The following BRAP variants were observed in gnomAD, a reference collection of about 807,000 sequenced individuals.
BRAP encodes BRCA1-associated protein.
A neutral mutation model predicts 73.4 loss-of-function variants in BRAP; 42 were observed. The observed-to-expected ratio is 0.57, with a 90% confidence interval of 0.45 to 0.74. BRAP has a LOEUF of 0.74. Ranked by LOEUF, BRAP falls within the 30% of genes least tolerant of loss-of-function variation. BRAP has a pLI of 0.00. For missense variants in BRAP, 593 were observed against 751.4 expected, an observed-to-expected ratio of 0.79 and a Z score of 2.46; for synonymous variants, 255 against 267.4, an observed-to-expected ratio of 0.95 and a Z score of 0.45.
At chr12:111,678,686 ATT>A (rs748418829) in intron 4 of BRAP, among the ~76,000 whole-genome samples, 11 of 125,950 alleles carry the variant, frequency 8.7e-5, no homozygotes, top group Non-Finnish European at 9.9e-5. Context: ...AACACACTAG[ATT>A]TTTTTTTTTT....
rs1348544039 is a variant in BRAP at position 111,662,600 on chromosome 12, C to T, written c.897-1925G>A. On this transcript the variant is annotated intron_variant, in intron 6 of 11. Coordinates refer to ENST00000419234, the MANE Select transcript of BRAP (RefSeq NM_006768.5). The stretch of plus-strand genomic sequence containing the variant: ...AGTTACCCAACTAAGTAAATAAAAC[C>T]AAGAAAATGGAATAAACAGGAAGAA... Among the ~76,000 whole-genome samples the T allele has an allele frequency of 2.6e-5, 4 of 151,500 alleles. No homozygotes were observed. The South Asian group carries it at 8.3e-4, about 32-fold the overall frequency.
Position 111,665,603 on chromosome 12 carries a change from G to C in BRAP, c.896+36C>G. On this transcript the variant is annotated intron_variant, in intron 6 of 11. Transcript: ENST00000419234. The surrounding 1 kb of genome is among the most constrained non-coding windows in gnomAD (Gnocchi z 4.3). Reference sequence around the variant, plus strand: ...TTTTAATTCTGGAAGGGTTGCAATGGGCTTGTACACAGAGGGGTTCGGCCC... The same window carrying C: ...TTTTAATTCTGGAAGGGTTGCAATGCGCTTGTACACAGAGGGGTTCGGCCC... 1 of 1,609,208 alleles carries C rather than the reference G, an allele frequency of 6.2e-7. No homozygotes were observed. Among genetic ancestry groups the C allele is most frequent in the South Asian group, 1.1e-5 (1 of 90,928 alleles).
intron 5 of BRAP, chr12:111,669,875 C>T (rs1887102438): frequency 1.6e-6 from 1 of 637,562 alleles, no homozygotes; most frequent in South Asian, 1.9e-5. Flanking sequence ...ATTGACATTT[C>T]CAACATAAGA....
intron 9 of BRAP, among the ~76,000 whole-genome samples, chr12:111,657,814 G>T (rs12307990): frequency 0.078 from 11,891 of 152,118 alleles, 1,618 homozygotes; most frequent in East Asian, 0.62. Context: ...GGGAGGCAGA[G>T]GTTGCAGTGA....
At chr12:111,674,287 G>A (rs1566125947) in intron 4 of BRAP, among the ~76,000 whole-genome samples, 3 of 151,896 alleles carry the variant, frequency 2.0e-5, no homozygotes, top group Non-Finnish European at 4.4e-5. Context: ...TTGTCACCCA[G>A]GCTGGAGAGC....
At chr12:111,670,456 C>T (rs944927967) in intron 5 of BRAP, 7 of 246,508 alleles carry the variant, frequency 2.8e-5, no homozygotes, top group South Asian at 5.3e-5. Context: ...TTCCATCAAG[C>T]GGATCTCAAA....
intron 4 of BRAP, among the ~76,000 whole-genome samples, chr12:111,676,676 A>C (rs1425290469): frequency 6.6e-6 from 1 of 152,158 alleles, no homozygotes; most frequent in Non-Finnish European, 1.5e-5. Flanking sequence ...GGTCTCTCCC[A>C]AAGTGCTGGG....
At chr12:111,682,859 C>G (rs1029775124) in intron 2 of BRAP, among the ~76,000 whole-genome samples, 1 of 152,024 alleles carries the variant, frequency 6.6e-6, no homozygotes, top group African/African-American at 2.4e-5. Flanking sequence ...TTGTAATGAC[C>G]CGACATTGCA....
At chr12:111,685,659 C>A in intron 1 of BRAP, 52 bp downstream of exon 1, 5 of 1,560,260 alleles carry the variant, frequency 3.2e-6, no homozygotes, top group South Asian at 1.2e-5. Flanking sequence ...GAAGGGAAGC[C>A]CTCCGGGCCC....
intron 5 of BRAP, among the ~76,000 whole-genome samples, chr12:111,671,209 A>G (rs1887157991): frequency 1.3e-5 from 2 of 152,212 alleles, no homozygotes; most frequent in Non-Finnish European, 2.9e-5. Context: ...AATATAGGAA[A>G]GGTTCCCATG....
At chr12:111,683,775 A>T (rs1887692034) in intron 1 of BRAP, among the ~76,000 whole-genome samples, 1 of 152,060 alleles carries the variant, frequency 6.6e-6, no homozygotes, top group South Asian at 2.1e-4. Flanking sequence ...TCCTGGCCTC[A>T]AAGTGATCCA....
At chr12:111,655,716 A>G in intron 9 of BRAP, 61 bp from the exon 10 acceptor site, 1 of 1,354,848 alleles carries the variant, frequency 7.4e-7, no homozygotes, top group East Asian at 2.3e-5. Flanking sequence ...CTGAAATCCA[A>G]TTTAAAAATC....
chr12:111,660,175 T>C (rs1886693007), intron 7 of BRAP, among the ~76,000 whole-genome samples: 1 of 144,090 alleles, frequency 6.9e-6, no homozygotes, highest in Non-Finnish European at 1.5e-5. Context: ...TTATGGGTCA[T>C]TTTTTTTTTG....
intron 5 of BRAP, among the ~76,000 whole-genome samples, chr12:111,668,726 G>A (rs540757027): frequency 7.9e-5 from 12 of 151,062 alleles, no homozygotes; most frequent in Non-Finnish European, 1.0e-4. Context: ...GCACAATCTC[G>A]GCTCACTGCA....
intron 4 of BRAP, among the ~76,000 whole-genome samples, chr12:111,674,186 T>C (rs1352764471): frequency 6.6e-6 from 1 of 152,136 alleles, no homozygotes; most frequent in African/African-American, 2.4e-5. Flanking sequence ...AGCTTCTCGA[T>C]AGCTTTTAAT....
Position 111,644,173 on chromosome 12 carries a change from C to T in BRAP, c.*26G>A, listed in dbSNP as rs368483508. On this transcript the variant is annotated 3_prime_UTR_variant, in exon 12 of 12. Coordinates refer to ENST00000419234, the MANE Select transcript of BRAP (RefSeq NM_006768.5). ...CTCTCACAGTGTCAGGGAGAACAGTCTCAGGGATGTCTGTTGCTCTGAAGG... is the reference window on the plus strand; with the variant it reads ...CTCTCACAGTGTCAGGGAGAACAGTTTCAGGGATGTCTGTTGCTCTGAAGG... 184 of 1,596,094 alleles carry T rather than the reference C, an allele frequency of 1.2e-4. No individual in the cohort carries two copies. Among genetic ancestry groups the T allele is most frequent in the Non-Finnish European group, 1.5e-4 (180 of 1,174,996 alleles).
intron 6 of BRAP, among the ~76,000 whole-genome samples, chr12:111,663,178 G>A (rs1886817377): frequency 6.6e-6 from 1 of 152,156 alleles, no homozygotes; most frequent in Admixed American, 6.6e-5. Context: ...TATCGGCCAG[G>A]CACAGTGGCT....
Position 111,670,220 on chromosome 12 carries a change from T to G in BRAP, c.747+2441A>C, listed in dbSNP as rs7955941. 3,371 of 605,032 alleles carry G rather than the reference T, an allele frequency of 5.6e-3. 96 individuals carry two copies. The highest frequency in any genetic ancestry group is 0.054 in the African/African-American group (2,953 of 54,324). The allele number at this position is 605,032 out of a possible 1,614,324, so 37.5% of individuals were successfully genotyped here. On this transcript the variant is annotated intron_variant, in intron 5 of 11. Coordinates refer to ENST00000419234, the MANE Select transcript of BRAP (RefSeq NM_006768.5). ...TGGGAGGTCTGCAGCTTCTTCTTCA[T>G]CTGACCGTTTCTCAATGCTGCGACT...
intron 4 of BRAP, among the ~76,000 whole-genome samples, chr12:111,676,093 G>C (rs1431078717): frequency 6.6e-6 from 1 of 151,942 alleles, no homozygotes; most frequent in African/African-American, 2.4e-5. Flanking sequence ...GCCCAGGCTG[G>C]TCTTGAACCC....
Sources: allele counts gnomAD v4.1 joint callset (sites outside exome capture counted in the v4.1 genomes callset), GRCh38; gene constraint gnomAD v4.1.1; non-coding constraint Gnocchi (gnomAD v3.1); transcripts MANE v1.5; gene names NCBI Gene and HGNC (gene_info 2026-07-23, HGNC 2026-07-21).